Variants in HECW1 observed in about 807,000 individuals in gnomAD.
HECW1 encodes the protein HECT, C2 and WW domain containing E3 ubiquitin protein ligase 1.
In HECW1, 61 loss-of-function variants were observed where a neutral mutation model predicts 182.3. That is an observed-to-expected ratio of 0.33 (90% CI 0.27 to 0.41). HECW1 has a LOEUF of 0.41. Among genes scored for constraint, HECW1 ranks in the 10% least tolerant of loss-of-function variants. The pLI is 1.00. For missense variants in HECW1, 1,739 were observed against 2,108.9 expected (o/e 0.82, Z 3.44); for synonymous variants, 859 against 832.6 (o/e 1.03, Z -0.55).
At chr7:43,541,324 C>G (rs1333340209) in intron 25 of HECW1, 63 bp downstream of exon 25, 1 of 1,244,516 alleles carries the variant, frequency 8.0e-7, no homozygotes, top group African/African-American at 1.5e-5. Flanking sequence ...ACACCGACCT[C>G]TCTGGTGCCA....
chr7:43,518,999 C>T (rs2080308696), intron 24 of HECW1, among the ~76,000 whole-genome samples: 1 of 152,078 alleles, frequency 6.6e-6, no homozygotes, highest in Admixed American at 6.5e-5. Flanking sequence ...ACCCTTTAGC[C>T]CATAAAGTTA....
Position 43,492,177 on chromosome 7 carries a change from C to A in HECW1, c.3337C>A (p.Leu1113Met). 6.3e-7 allele frequency: 1 copy of A among 1,596,064 alleles called. No homozygotes were observed. Reference protein sequence around the residue: ...RSQHQHESLPLAYNDKIVAFL... With the variant: ...RSQHQHESLPMAYNDKIVAFL... ...CCAACATCAACATGAGTCATTGCCA[C>A]TGGGTATGTATCATGCTTGTTTGAG... The change falls in exon 18 of 30, where the codon CTG (leucine) becomes ATG (methionine). Residue 1113 changes from leucine to methionine, a missense_variant. Around this residue, in one of 5 missense-constraint regions of HECW1, gnomAD observed 971 missense variants for 1,029.1 expected, o/e 0.94. Coordinates refer to ENST00000395891, the MANE Select transcript of HECW1 (RefSeq NM_015052.5).
At chr7:43,221,533 T>C (rs531025118) in intron 2 of HECW1, among the ~76,000 whole-genome samples, 1 of 137,200 alleles carries the variant, frequency 7.3e-6, no homozygotes, top group Admixed American at 7.7e-5. Context: ...GTCAGAGGAA[T>C]TAGGTTTTTT....
chr7:43,344,310 G>A (rs1188953768), intron 5 of HECW1, among the ~76,000 whole-genome samples: 1 of 151,714 alleles, frequency 6.6e-6, no homozygotes. Context: ...TGCTTTTGGT[G>A]TTTTAGTCAT....
intron 2 of HECW1, among the ~76,000 whole-genome samples, chr7:43,154,583 T>A (rs772440672): frequency 6.6e-6 from 1 of 152,184 alleles, no homozygotes; most frequent in Non-Finnish European, 1.5e-5. Flanking sequence ...GGTGTATTTG[T>A]TTGTGGGGGT....
intron 16 of HECW1, among the ~76,000 whole-genome samples, chr7:43,478,532 G>A (rs1013055913): frequency 1.3e-5 from 2 of 152,082 alleles, no homozygotes; most frequent in Admixed American, 1.3e-4. Flanking sequence ...ACAATATCAT[G>A]TAGTCATTAA....
At chr7:43,121,722 T>C (rs76775805) in intron 2 of HECW1, 1 of 152,254 alleles carries the variant, frequency 6.6e-6, no homozygotes, top group African/African-American at 2.4e-5. Context: ...AGTTTCCTAA[T>C]AGGATATGAT....
chr7:43,463,043 C>T (rs369754037), intron 13 of HECW1, among the ~76,000 whole-genome samples: 2 of 152,302 alleles, frequency 1.3e-5, no homozygotes. Flanking sequence ...CAGCACAGAG[C>T]CTGCACACAT....
chr7:43,291,807 G>A (rs1346688251), intron 3 of HECW1, among the ~76,000 whole-genome samples: 1 of 152,198 alleles, frequency 6.6e-6, no homozygotes, highest in African/African-American at 2.4e-5. Context: ...AAAACTCAGA[G>A]AAATGGGTAA....
intron 17 of HECW1, among the ~76,000 whole-genome samples, chr7:43,481,036 G>C (rs1473207218): frequency 6.6e-6 from 1 of 152,146 alleles, no homozygotes. Context: ...CATTGTTTCA[G>C]GAGACTGCTG....
At chr7:43,224,165 G>A (rs74709776) in intron 2 of HECW1, among the ~76,000 whole-genome samples, 2,876 of 152,284 alleles carry the variant, frequency 0.019, 105 homozygotes, top group African/African-American at 0.066. Flanking sequence ...TCTAGAAAAG[G>A]CACATAAAAT....
Position 43,220,255 on chromosome 7 carries a change from T to C in HECW1, c.-31-23620T>C, listed in dbSNP as rs566110090. Among the ~76,000 whole-genome samples the C allele has an allele frequency of 2.0e-5, 3 of 152,288 alleles. No homozygotes were observed. In the South Asian group the frequency reaches 6.2e-4, roughly 32 times the overall value. On this transcript the variant is annotated intron_variant, in intron 2 of 29. Transcript: ENST00000395891. ...AAAAGAAGAGCTGCATAGGGTGAGG[T>C]CTGGGAGCACCTAGAATGCAACGCT...
chr7:43,309,136 T>A (rs886285657), intron 3 of HECW1, among the ~76,000 whole-genome samples: 2 of 152,170 alleles, frequency 1.3e-5, no homozygotes, highest in East Asian at 3.9e-4. Context: ...TGCAGGGGAA[T>A]GGGATTCCTG....
intron 13 of HECW1, among the ~76,000 whole-genome samples, chr7:43,462,943 G>A (rs1024524397): frequency 6.6e-6 from 1 of 152,184 alleles, no homozygotes; most frequent in Non-Finnish European, 1.5e-5. Flanking sequence ...TGGAGTTATG[G>A]CTTCTGTCCC....
chr7:43,536,336 C>T (rs959626765), intron 24 of HECW1, among the ~76,000 whole-genome samples: 3 of 152,192 alleles, frequency 2.0e-5, no homozygotes, highest in African/African-American at 4.8e-5. Flanking sequence ...CAAATTACAC[C>T]GAAAACATTG....
intron 2 of HECW1, among the ~76,000 whole-genome samples, chr7:43,208,826 A>T (rs1457888455): frequency 6.6e-6 from 1 of 152,134 alleles, no homozygotes; most frequent in Non-Finnish European, 1.5e-5. Flanking sequence ...TCTGGCTTCC[A>T]GCATGGAACC....
intron 3 of HECW1, among the ~76,000 whole-genome samples, chr7:43,268,395 C>T (rs879647983): frequency 7.9e-5 from 12 of 152,328 alleles, no homozygotes; most frequent in Middle Eastern, 3.4e-3. Flanking sequence ...AGCCTTATTC[C>T]CTGTGAAACC....
At chr7:43,422,842 G>A (rs1023739855) in intron 8 of HECW1, among the ~76,000 whole-genome samples, 11 of 152,162 alleles carry the variant, frequency 7.2e-5, no homozygotes, top group African/African-American at 2.4e-4. Flanking sequence ...CAATCAGCCA[G>A]GTTAAGCTAA....
chr7:43,318,707 G>A (rs1349631733), intron 4 of HECW1, among the ~76,000 whole-genome samples: 1 of 152,234 alleles, frequency 6.6e-6, no homozygotes, highest in African/African-American at 2.4e-5. Flanking sequence ...TTCATCTCTT[G>A]TCTGTTTTCT....
Sources: allele counts gnomAD v4.1 joint callset (sites outside exome capture counted in the v4.1 genomes callset), GRCh38; gene constraint gnomAD v4.1.1; regional missense constraint gnomAD v4.1.1; transcripts MANE v1.5; gene names NCBI Gene and HGNC (gene_info 2026-07-23, HGNC 2026-07-21).